The following FAP variants were observed in gnomAD, a reference collection of about 807,000 sequenced individuals.
FAP encodes the protein fibroblast activation protein alpha, also known as prolyl endopeptidase FAP.
In FAP, 110 loss-of-function variants were observed where a neutral mutation model predicts 126.5. The ratio of observed to expected loss-of-function variants is 0.87; its 90% CI spans 0.74 to 1.02. The LOEUF (loss-of-function observed/expected upper bound fraction) is 1.02, where lower values mean the gene tolerates loss of function less well. Ranked by LOEUF, FAP falls within the 50% of genes least tolerant of loss-of-function variation. The probability of loss-of-function intolerance (pLI) is 0.00; values close to 1 mark genes in which losing one functional copy is unlikely to be tolerated. For synonymous variants in FAP, 334 were observed against 297.3 expected (o/e 1.12, Z -1.27); for missense variants, 919 against 909.2 (o/e 1.01, Z -0.14).
At chr2:162,234,745 A>T (rs972601408) in intron 2 of FAP, among the ~76,000 whole-genome samples, 1 of 152,036 alleles carries the variant, frequency 6.6e-6, no homozygotes, top group Non-Finnish European at 1.5e-5. Flanking sequence ...CGGCCTCGGC[A>T]CCCATTCTGG....
chr2:162,205,862 T>G (rs1408160992), intron 12 of FAP, among the ~76,000 whole-genome samples: 1 of 152,176 alleles, frequency 6.6e-6, no homozygotes. Context: ...GGTTCTACAT[T>G]GCCTTAATCA....
chr2:162,240,483 G>T (rs1438424333), intron 2 of FAP, among the ~76,000 whole-genome samples: 1 of 152,076 alleles, frequency 6.6e-6, no homozygotes, highest in Admixed American at 6.5e-5. Context: ...TGCATCTTTG[G>T]GTGCAGAAAG....
At chr2:162,204,956 GC>G (rs1164959404) in intron 12 of FAP, among the ~76,000 whole-genome samples, 1 of 152,122 alleles carries the variant, frequency 6.6e-6, no homozygotes, top group African/African-American at 2.4e-5. Context: ...AAGGGTTTCA[GC>G]CAATCATAGG....
intron 21 of FAP, among the ~76,000 whole-genome samples, chr2:162,179,786 C>CTA (rs1326962930): frequency 2.5e-4 from 16 of 63,560 alleles, no homozygotes; most frequent in African/African-American, 7.6e-4. Context: ...ATCTATCTAT[C>CTA]TATCTATATA....
In FAP at chr2:162,198,871, C is replaced by T; in HGVS notation, c.1288G>A (p.Gly430Arg). 1 of 1,613,528 alleles carries T rather than the reference C, an allele frequency of 6.2e-7. No individual in the cohort carries two copies. The highest frequency in any genetic ancestry group is 8.5e-7 in the Non-Finnish European group (1 of 1,179,606). The change falls in exon 16 of 26, where the codon GGA becomes AGA. Residue 430 changes from glycine to arginine, a missense_variant. Gly to Arg is a moderately radical substitution (Grantham distance 125, BLOSUM62 -2). Coordinates refer to ENST00000188790, the MANE Select transcript of FAP (RefSeq NM_004460.5). ...CACTTCTTGCTTGGAGGATAGCTTC[C>T]AATGCTAATTCTAGAGGGAAATGAA... ...GRRNIYRISI[G>R]SYPPSKKCVT...
chr2:162,198,163 T>G (rs1382194936), intron 16 of FAP: 1 of 1,284,706 alleles, frequency 7.8e-7, no homozygotes, highest in African/African-American at 1.5e-5. Flanking sequence ...TTTGTTATAT[T>G]TGATGCATTA....
chr2:162,211,256 C>T (rs1406854122), intron 11 of FAP, among the ~76,000 whole-genome samples: 2 of 152,152 alleles, frequency 1.3e-5, no homozygotes, highest in African/African-American at 4.8e-5. Context: ...AGCAGAAATG[C>T]CATCACCTAG....
rs567102854 is a variant in FAP, at chr2:162,222,649, G to A, written c.413+959C>T. Among the ~76,000 whole-genome samples, 3 of 152,158 alleles carry A rather than the reference G, an allele frequency of 2.0e-5. No homozygotes were observed. In the South Asian group the frequency reaches 6.2e-4, roughly 32 times the overall value. ...AGATGAGTAGCTAAGGCAATTCATT[G>A]TCCACACTTAGCCAGGGTGATTTTT... On this transcript the variant is annotated intron_variant, in intron 6 of 25. Transcript: ENST00000188790.
chr2:162,228,065 G>T (rs991242471), intron 2 of FAP, among the ~76,000 whole-genome samples: 6 of 152,160 alleles, frequency 3.9e-5, no homozygotes, highest in African/African-American at 1.4e-4. Flanking sequence ...CATAAGGCCA[G>T]GAATCATGTC....
rs1476784907 is a variant in FAP at position 162,179,243 on chromosome 2, AG to A, written c.1869+4170del. The stretch of plus-strand genomic sequence containing the variant: ...AATACTGTGTTAAACAAAACTTGAC[AG>A]GTTTTTTTTTTTTTTTTTTTGCTAG... On this transcript the variant is annotated intron_variant, in intron 21 of 25. Transcript: ENST00000188790. Among the ~76,000 whole-genome samples the A allele has an allele frequency of 8.5e-5, 9 of 105,792 alleles. No individual in the cohort carries two copies. In the South Asian group the frequency reaches 1.4e-3, roughly 16 times the overall value. 69.4% of individuals were successfully genotyped at this position (105,792 alleles called of 152,430 possible).
At chr2:162,234,222 C>T (rs1157193544) in intron 2 of FAP, among the ~76,000 whole-genome samples, 1 of 152,064 alleles carries the variant, frequency 6.6e-6, no homozygotes, top group African/African-American at 2.4e-5. Flanking sequence ...TTAGGATCAG[C>T]TAGTCACTTT....
At chr2:162,191,503 C>G (rs563955343) in intron 17 of FAP, among the ~76,000 whole-genome samples, 3 of 152,166 alleles carry the variant, frequency 2.0e-5, no homozygotes, top group African/African-American at 7.2e-5. Context: ...ATTTTACTTT[C>G]TTTCTCCCAT....
intron 17 of FAP, among the ~76,000 whole-genome samples, chr2:162,192,655 C>T (rs1353767810): frequency 6.6e-6 from 1 of 152,086 alleles, no homozygotes; most frequent in African/African-American, 2.4e-5. Context: ...TTCTGGCATC[C>T]AGATCCAAAA....
At chr2:162,205,442 A>G (rs1688665028) in intron 12 of FAP, among the ~76,000 whole-genome samples, 1 of 152,196 alleles carries the variant, frequency 6.6e-6, no homozygotes, top group Non-Finnish European at 1.5e-5. Flanking sequence ...TCATTTCAGA[A>G]TGAAGTTTCA....
At chr2:162,225,616 C>A in intron 3 of FAP, 39 bp from the exon 4 acceptor site, 2 of 1,538,510 alleles carry the variant, frequency 1.3e-6, no homozygotes, top group South Asian at 1.2e-5. Context: ...AATGATCTCT[C>A]TTAACATGAA....
chr2:162,218,936 A>T, intron 8 of FAP, 127 bp downstream of exon 8: 1 of 688,016 alleles, frequency 1.5e-6, no homozygotes, highest in Non-Finnish European at 2.2e-6. Flanking sequence ...CGTAACCTAG[A>T]GACAATTTTC....
chr2:162,172,850 A>T lies in FAP; in HGVS notation c.2142T>A (p.Ala714=). 1 of 1,613,120 alleles carries T rather than the reference A, an allele frequency of 6.2e-7. No individual in the cohort carries two copies. Among genetic ancestry groups the T allele is most frequent in the Non-Finnish European group, 8.5e-7 (1 of 1,179,340 alleles). The change falls in exon 25 of 26, where the codon GCT becomes GCA. Residue 714 remains alanine (A), a synonymous_variant. Transcript: ENST00000188790. ...CCACTTGTGCATTAACCAGAGCTTT[A>T]GCAATCTGTGCTGAGTTTTGAAAGT... ...NVHFQNSAQI[A]KALVNAQVDF...
chr2:162,231,482 A>G (rs1689900451), intron 2 of FAP, among the ~76,000 whole-genome samples: 1 of 152,200 alleles, frequency 6.6e-6, no homozygotes, highest in Admixed American at 6.5e-5. Context: ...GTATATGTTA[A>G]CACTTACTTG....
At chr2:162,191,340 G>C (rs1426364305) in intron 17 of FAP, among the ~76,000 whole-genome samples, 2 of 151,976 alleles carry the variant, frequency 1.3e-5, no homozygotes, top group Admixed American at 6.6e-5. Flanking sequence ...CATTTTTTAT[G>C]GATAGTGACT....
Sources: gnomAD v4.1 joint callset for allele counts (sites outside exome capture counted in the v4.1 genomes callset) on GRCh38, gnomAD v4.1.1 for gene constraint, MANE v1.5 for transcripts, NCBI Gene and HGNC (gene_info 2026-07-23, HGNC 2026-07-21) for gene names.